HIPK2: variants seen among roughly 807,000 people sequenced by gnomAD.
HIPK2 encodes the protein homeodomain-interacting protein kinase 2.
HIPK2 carries 27 observed loss-of-function variants against 113.7 expected under a neutral mutation model. The ratio of observed to expected loss-of-function variants is 0.24; its 90% CI spans 0.17 to 0.33. The LOEUF is 0.33. HIPK2 is among the 10% of genes least tolerant of loss of function. The pLI is 1.00. For synonymous variants in HIPK2, 631 were observed against 642.2 expected (o/e 0.98, Z 0.26); for missense variants, 1,257 against 1,588.0 (o/e 0.79, Z 3.54).
rs1460832644 is a variant in HIPK2 at position 139,573,241 on chromosome 7, G to C, written c.3283C>G (p.His1095Asp). The C allele has an allele frequency of 6.2e-7, 1 of 1,604,830 alleles. No individual in the cohort carries two copies. Among genetic ancestry groups the C allele is most frequent in the Non-Finnish European group, 8.5e-7 (1 of 1,179,618 alleles). ...PHLAAAAAAA[H>D]LPTQPHLYTY... is the part of the protein sequence containing the mutation. ...TAGAGGTGGGGCTGGGTGGGGAGGT[G>C]GGCAGCGGCAGCGGCTGCAGCCAGA... Residue 1095 changes from histidine to aspartate, a missense_variant, in exon 15 of 15, where the codon CAC (histidine) becomes GAC (aspartate). This residue lies in a region of HIPK2 where 862 missense variants were observed against 1,004.3 expected (regional missense o/e 0.86). Transcript: ENST00000406875.
chr7:139,737,909 G>C (rs895925602), intron 1 of HIPK2, among the ~76,000 whole-genome samples: 1 of 152,238 alleles, frequency 6.6e-6, no homozygotes, highest in African/African-American at 2.4e-5. Context: ...GGAGGAAGCT[G>C]CACCTTGAGT....
intron 2 of HIPK2, among the ~76,000 whole-genome samples, chr7:139,676,635 G>A (rs1802504421): frequency 6.6e-6 from 1 of 152,116 alleles, no homozygotes; most frequent in African/African-American, 2.4e-5. Flanking sequence ...CTAGATATGA[G>A]TCCCCCTTCT....
At chr7:139,774,007 T>C (rs6963553) in intron 1 of HIPK2, among the ~76,000 whole-genome samples, 15,581 of 152,104 alleles carry the variant, frequency 0.1, 2,633 homozygotes, top group African/African-American at 0.36. Context: ...CAGCAGAAGC[T>C]CAATGCAAAT....
chr7:139,596,598 CA>C, intron 12 of HIPK2, 118 bp downstream of exon 12: 1 of 1,400,514 alleles, frequency 7.1e-7, no homozygotes, highest in Non-Finnish European at 9.7e-7. Context: ...ATGGCAAAAC[CA>C]AACTGTAAGG....
At chr7:139,726,159 T>G (rs535161412) in intron 1 of HIPK2, among the ~76,000 whole-genome samples, 127 of 152,316 alleles carry the variant, frequency 8.3e-4, no homozygotes, top group African/African-American at 3.0e-3. Context: ...ATTTACCTAT[T>G]TAAAGAGGTA....
chr7:139,672,156 C>T (rs1802326482), intron 2 of HIPK2, among the ~76,000 whole-genome samples: 1 of 152,092 alleles, frequency 6.6e-6, no homozygotes, highest in Non-Finnish European at 1.5e-5. Flanking sequence ...AAAGATAATG[C>T]AGGGAATAAA....
Position 139,614,331 on chromosome 7 carries a change from C to A in HIPK2, c.1945G>T (p.Asp649Tyr). ...ACGATGAGAGCTTGCTGGAACGGGT[C>A]AGGCCGGGCACAAATCTGGGCTGTT... is the stretch of plus-strand genomic sequence containing the variant. Reference protein sequence around the residue: ...TGTAQICARPDPFQQALIVCP... With the variant: ...TGTAQICARPYPFQQALIVCP... The change falls in exon 8 of 15, where the codon GAC (aspartate) becomes TAC (tyrosine). Residue 649 changes from aspartate (D) to tyrosine (Y), a missense_variant. This residue lies in a region of HIPK2 where 862 missense variants were observed against 1,004.3 expected (regional missense o/e 0.86). Coordinates refer to ENST00000406875, the MANE Select transcript of HIPK2 (RefSeq NM_022740.5). 1 of 1,567,624 alleles carries A rather than the reference C, an allele frequency of 6.4e-7. No individual in the cohort carries two copies. Among genetic ancestry groups the A allele is most frequent in the Non-Finnish European group, 8.7e-7 (1 of 1,150,198 alleles).
intron 1 of HIPK2, among the ~76,000 whole-genome samples, chr7:139,763,220 G>A (rs1796497134): frequency 6.6e-6 from 1 of 152,206 alleles, no homozygotes; most frequent in Non-Finnish European, 1.5e-5. Context: ...CAGGATTCAG[G>A]ATTTTCTTCC....
At chr7:139,601,728 G>T (rs1030311269) in intron 10 of HIPK2, among the ~76,000 whole-genome samples, 8 of 152,166 alleles carry the variant, frequency 5.3e-5, no homozygotes, top group Admixed American at 5.2e-4. Context: ...GTTAAAGGTG[G>T]TGACTGACTC....
intron 1 of HIPK2, among the ~76,000 whole-genome samples, chr7:139,771,018 C>T (rs912816317): frequency 2.6e-5 from 4 of 152,128 alleles, no homozygotes; most frequent in African/African-American, 7.2e-5. Context: ...GCAGTGATGT[C>T]GTTCATTACA....
rs779251798 is a variant in HIPK2 at position 139,614,276 on chromosome 7, T to A, written c.1990+10A>T. ...GAAGCAGGTGAGAGGCTGTGGCTGC[T>A]CAATCTTACCTTGGAAGCCGGGGGG... On this transcript the variant is annotated intron_variant, in intron 8 of 14. Transcript: ENST00000406875. 12 of 1,462,174 alleles carry A rather than the reference T, an allele frequency of 8.2e-6. No individual in the cohort carries two copies. The highest frequency in any genetic ancestry group is 1.1e-5 in the Non-Finnish European group (12 of 1,092,626). The allele number at this position is 1,462,174 out of a possible 1,614,324, so 90.6% of individuals were successfully genotyped here.
chr7:139,726,109 C>G (rs1176227809), intron 1 of HIPK2, among the ~76,000 whole-genome samples: 1 of 152,202 alleles, frequency 6.6e-6, no homozygotes, highest in Admixed American at 6.5e-5. Flanking sequence ...GTTATGACAT[C>G]TGAGAAATAT....
At chr7:139,606,421 T>C (rs917235234) in intron 9 of HIPK2, among the ~76,000 whole-genome samples, 12 of 152,194 alleles carry the variant, frequency 7.9e-5, no homozygotes, top group African/African-American at 2.9e-4. Context: ...TTGCCTTCTT[T>C]ACACTCAACT....
chr7:139,717,198 G>T, intron 1 of HIPK2, 183 bp from the exon 2 acceptor site: 1 of 376,286 alleles, frequency 2.7e-6, no homozygotes, highest in Non-Finnish European at 3.7e-6. Flanking sequence ...CTGAGTTTGT[G>T]GAACCAAGTG....
intron 2 of HIPK2, among the ~76,000 whole-genome samples, chr7:139,638,195 C>T (rs760977118): frequency 6.6e-6 from 1 of 152,194 alleles, no homozygotes; most frequent in Non-Finnish European, 1.5e-5. Flanking sequence ...TCCATCTGGG[C>T]CTCACTACAG....
At chr7:139,715,183 A>G (rs73158603) in intron 2 of HIPK2, among the ~76,000 whole-genome samples, 148,365 of 152,298 alleles carry the variant, frequency 0.97, 72,300 homozygotes, top group Middle Eastern at 1. Context: ...GCACATATTA[A>G]AAGTGAAATC....
At chr7:139,614,949 A>G (rs1284173839) in intron 7 of HIPK2, among the ~76,000 whole-genome samples, 2 of 152,270 alleles carry the variant, frequency 1.3e-5, no homozygotes, top group East Asian at 3.9e-4. Flanking sequence ...ACAGGGAGAG[A>G]GCTGGACCTT....
intron 2 of HIPK2, among the ~76,000 whole-genome samples, chr7:139,655,895 T>C (rs1801650204): frequency 6.6e-6 from 1 of 152,086 alleles, no homozygotes; most frequent in Non-Finnish European, 1.5e-5. Flanking sequence ...ATGAGGAGAC[T>C]CGTGCCAGGG....
At chr7:139,583,619 G>A in intron 13 of HIPK2, 198 bp downstream of exon 13, 3 of 701,468 alleles carry the variant, frequency 4.3e-6, no homozygotes, top group Non-Finnish European at 7.0e-6. Context: ...ATTAAAGAAG[G>A]AAAACGCTGC....
Sources: gnomAD v4.1 joint callset for allele counts (sites outside exome capture counted in the v4.1 genomes callset) on GRCh38, gnomAD v4.1.1 for gene constraint, gnomAD v4.1.1 regional missense constraint, MANE v1.5 for transcripts, NCBI Gene and HGNC (gene_info 2026-07-23, HGNC 2026-07-21) for gene names.